PHACTR1: variants seen among roughly 807,000 people sequenced by gnomAD.
PHACTR1 encodes the protein phosphatase and actin regulator 1.
In PHACTR1, 16 loss-of-function variants were observed where a neutral mutation model predicts 69.2. The observed-to-expected ratio is 0.23, with a 90% CI of 0.16 to 0.35. The LOEUF (loss-of-function observed/expected upper bound fraction) is 0.35. Ranked by LOEUF, PHACTR1 falls within the 10% of genes least tolerant of loss-of-function variation. The pLI, the probability that PHACTR1 is intolerant of heterozygous loss-of-function variation, is 1.00. For missense variants in PHACTR1, 510 were observed against 734.7 expected (o/e 0.69, Z 3.54); for synonymous variants, 312 against 284.5 (o/e 1.10, Z -0.97).
In PHACTR1 at chr6:13,281,020, G is replaced by A. The variant is rs190357770; in HGVS notation, c.1510-2402G>A. ...AGAGGCAGCAGCCAGCTGCATCCTC[G>A]CTCATTCCCTCTGAGCACTTGTGCT... On this transcript the variant is annotated intron_variant, in intron 12 of 14. Coordinates refer to ENST00000332995, the MANE Select transcript of PHACTR1 (RefSeq NM_030948.6). 21 of 1,289,612 alleles carry A rather than the reference G, an allele frequency of 1.6e-5. No homozygotes were observed. The East Asian group carries it at 2.2e-4, about 14-fold the overall frequency. The allele number at this position is 1,289,612 out of a possible 1,614,324, so 79.9% of individuals were successfully genotyped here.
chr6:12,947,677 G>A (rs913892856), intron 4 of PHACTR1, among the ~76,000 whole-genome samples: 1 of 152,160 alleles, frequency 6.6e-6, no homozygotes, highest in African/African-American at 2.4e-5. Context: ...CTTGCCAGGG[G>A]CTGTGGTAAG....
At chr6:13,171,528 CAG>C (rs1760619000) in intron 6 of PHACTR1, among the ~76,000 whole-genome samples, 1 of 152,206 alleles carries the variant, frequency 6.6e-6, no homozygotes, top group African/African-American at 2.4e-5. Context: ...TCAACAGTAA[CAG>C]AAATATTCTG....
intron 5 of PHACTR1, among the ~76,000 whole-genome samples, chr6:13,133,688 C>T (rs980895544): frequency 6.6e-6 from 1 of 152,068 alleles, no homozygotes; most frequent in Admixed American, 6.5e-5. Flanking sequence ...CCCAAAGTGC[C>T]GAGATTGCAG....
chr6:13,188,699 T>C (rs1045156125), intron 7 of PHACTR1, among the ~76,000 whole-genome samples: 3 of 152,250 alleles, frequency 2.0e-5, no homozygotes, highest in African/African-American at 7.2e-5. Context: ...AAATTTCTTC[T>C]GTTCATCAGC....
At position 13,008,389 on chromosome 6, in the gene PHACTR1, C is replaced by A. The variant is rs367792927; in HGVS notation, c.251-44976C>A. ...CCATAAACAATTCATACAGCTGGACCAGTGCTGAGGCCCTGAATATGACCT... is the reference window on the plus strand; with the variant it reads ...CCATAAACAATTCATACAGCTGGACAAGTGCTGAGGCCCTGAATATGACCT... On this transcript the variant is annotated intron_variant, in intron 4 of 14. Coordinates refer to ENST00000332995, the MANE Select transcript of PHACTR1 (RefSeq NM_030948.6). Among the ~76,000 whole-genome samples, 42 of 152,316 alleles carry A rather than the reference C, an allele frequency of 2.8e-4. No homozygotes were observed. The East Asian group carries it at 7.1e-3, about 26-fold the overall frequency.
intron 10 of PHACTR1, among the ~76,000 whole-genome samples, chr6:13,231,769 G>C (rs1433790584): frequency 6.6e-6 from 1 of 152,220 alleles, no homozygotes; most frequent in African/African-American, 2.4e-5. Flanking sequence ...GGTAACCTTT[G>C]TTGAGTACTT....
At chr6:13,187,969 T>A (rs1763031402) in intron 7 of PHACTR1, among the ~76,000 whole-genome samples, 1 of 152,222 alleles carries the variant, frequency 6.6e-6, no homozygotes, top group South Asian at 2.1e-4. Flanking sequence ...GTTTCATCTA[T>A]GAGCCCAGGA....
intron 6 of PHACTR1, among the ~76,000 whole-genome samples, chr6:13,177,770 G>A (rs549290278): frequency 3.3e-5 from 5 of 152,268 alleles, no homozygotes; most frequent in South Asian, 2.1e-4. Context: ...TGGGAGGAGC[G>A]GCAGGCTGGG....
chr6:12,915,291 G>A lies in PHACTR1; in HGVS notation c.251-138074G>A, dbSNP rs909036600. 2.6e-5 allele frequency among the ~76,000 whole-genome samples: 4 copies of A among 152,102 alleles called. No individual in the cohort carries two copies. In the East Asian group the frequency reaches 7.7e-4, roughly 29 times the overall value. On this transcript the variant is annotated intron_variant, in intron 4 of 14. Coordinates refer to ENST00000332995, the MANE Select transcript of PHACTR1 (RefSeq NM_030948.6). ...GAGGCCAAGGCAGGTGGATCACTTT[G>A]AGCTCAGGAGTTCGAGATTAGCCTG...
intron 5 of PHACTR1, among the ~76,000 whole-genome samples, chr6:13,102,945 G>T (rs1815419553): frequency 6.6e-6 from 1 of 152,146 alleles, no homozygotes; most frequent in South Asian, 2.1e-4. Context: ...TGTAAAAGGA[G>T]CTCACAACCT....
intron 5 of PHACTR1, among the ~76,000 whole-genome samples, chr6:13,101,369 G>T (rs892110289): frequency 6.6e-6 from 1 of 152,192 alleles, no homozygotes; most frequent in Admixed American, 6.5e-5. Context: ...CAAGACCATT[G>T]CACTAGGGAT....
chr6:12,882,129 A>G lies in PHACTR1; in HGVS notation c.250+132339A>G, dbSNP rs143125052. 9.1e-4 allele frequency among the ~76,000 whole-genome samples: 139 copies of G among 152,140 alleles called. 1 individual carries two copies. Among genetic ancestry groups the G allele is most frequent in the Non-Finnish European group, 1.5e-3 (100 of 67,994 alleles). ...ACCCGAGGCTGAGAGGGACAGGGGG[A>G]TGGAGGGAAGCAGGTGCTACTACCC... On this transcript the variant is annotated intron_variant, in intron 4 of 14. Transcript: ENST00000332995.
intron 8 of PHACTR1, chr6:13,214,112 G>C (rs931522825): frequency 1.3e-5 from 2 of 151,924 alleles, no homozygotes; most frequent in African/African-American, 4.8e-5. Context: ...CCAGGGCGAG[G>C]CTTATCCATC....
intron 4 of PHACTR1, among the ~76,000 whole-genome samples, chr6:12,889,898 A>G (rs1784011364): frequency 6.6e-6 from 1 of 150,730 alleles, no homozygotes; most frequent in Non-Finnish European, 1.5e-5. Flanking sequence ...GGGAAACCAC[A>G]TCCTGGCAGT....
chr6:13,261,787 G>C (rs375333665), intron 10 of PHACTR1, among the ~76,000 whole-genome samples: 1 of 152,208 alleles, frequency 6.6e-6, no homozygotes, highest in East Asian at 1.9e-4. Context: ...CAGAGGAAGT[G>C]ATACTGAAGC....
intron 5 of PHACTR1, among the ~76,000 whole-genome samples, chr6:13,083,759 T>C (rs1028060746): frequency 3.9e-5 from 6 of 152,114 alleles, no homozygotes; most frequent in Non-Finnish European, 7.4e-5. Context: ...CTGTTATTGG[T>C]GTATAAGAAT....
chr6:12,893,952 G>A (rs1784397607), intron 4 of PHACTR1, among the ~76,000 whole-genome samples: 1 of 152,306 alleles, frequency 6.6e-6, no homozygotes, highest in South Asian at 2.1e-4. Flanking sequence ...AGACACCTTA[G>A]GCTGATGATT....
chr6:12,863,095 G>A (rs1390317149), intron 4 of PHACTR1, among the ~76,000 whole-genome samples: 2 of 152,208 alleles, frequency 1.3e-5, no homozygotes, highest in Non-Finnish European at 2.9e-5. Flanking sequence ...CTGTATAATT[G>A]TCAGCAGCAT....
intron 4 of PHACTR1, among the ~76,000 whole-genome samples, chr6:12,784,550 T>C (rs1771281643): frequency 6.6e-6 from 1 of 151,408 alleles, no homozygotes; most frequent in South Asian, 2.1e-4. Flanking sequence ...TATACACACA[T>C]ATATATCTAT....
Sources: allele counts gnomAD v4.1 joint callset (sites outside exome capture counted in the v4.1 genomes callset), GRCh38; gene constraint gnomAD v4.1.1; transcripts MANE v1.5; gene names NCBI Gene and HGNC (gene_info 2026-07-23, HGNC 2026-07-21).